Variants in SMOC2 observed in about 807,000 individuals in gnomAD.
The protein encoded by SMOC2 is SPARC related modular calcium binding 2.
A neutral mutation model predicts 61.4 loss-of-function variants in SMOC2; 39 were observed. The observed-to-expected ratio is 0.64, with a 90% CI of 0.49 to 0.83. The LOEUF (loss-of-function observed/expected upper bound fraction) is 0.83, where lower values mean the gene tolerates loss of function less well. Among genes scored for constraint, SMOC2 ranks in the 40% least tolerant of loss-of-function variants. The pLI is 0.00. For missense variants in SMOC2, 556 were observed against 592.9 expected (o/e 0.94, Z 0.65); for synonymous variants, 247 against 239.9 (o/e 1.03, Z -0.27).
At chr6:168,634,388 G>T (rs563470623) in intron 9 of SMOC2, among the ~76,000 whole-genome samples, 72 of 152,300 alleles carry the variant, frequency 4.7e-4, no homozygotes, top group African/African-American at 1.7e-3. Context: ...AGGGTTGGCT[G>T]TAATTAAAAT....
chr6:168,621,719 GATC>G (rs1786251195), intron 9 of SMOC2, among the ~76,000 whole-genome samples: 1 of 32,126 alleles, frequency 3.1e-5, no homozygotes, highest in African/African-American at 1.2e-4. Flanking sequence ...CAGATCTCAC[GATC>G]TCACGCGGAC....
At chr6:168,526,154 G>A (rs1211231024) in intron 2 of SMOC2, among the ~76,000 whole-genome samples, 192 bp from the exon 3 acceptor site, 1 of 152,262 alleles carries the variant, frequency 6.6e-6, no homozygotes, top group Non-Finnish European at 1.5e-5. Context: ...GACCAGGCCT[G>A]CATGTGACAG....
chr6:168,471,224 C>T (rs1207399148), intron 1 of SMOC2, among the ~76,000 whole-genome samples: 1 of 152,106 alleles, frequency 6.6e-6, no homozygotes, highest in Non-Finnish European at 1.5e-5. Context: ...TATCTCAGCC[C>T]AGCCCTAGTA....
At chr6:168,642,585 A>G (rs140025704) in intron 9 of SMOC2, among the ~76,000 whole-genome samples, 1 of 152,322 alleles carries the variant, frequency 6.6e-6, no homozygotes, top group East Asian at 1.9e-4. Context: ...TCTGTCTTGA[A>G]TCGTCCAAAA....
intron 9 of SMOC2, among the ~76,000 whole-genome samples, chr6:168,618,056 G>C (rs185404081): frequency 6.6e-6 from 1 of 152,220 alleles, no homozygotes; most frequent in Admixed American, 6.5e-5. Flanking sequence ...CCAAGAAAAC[G>C]GATCTGTCCT....
chr6:168,497,968 T>TG (rs1256719319), intron 1 of SMOC2, among the ~76,000 whole-genome samples: 2 of 152,150 alleles, frequency 1.3e-5, no homozygotes, highest in African/African-American at 4.8e-5. Context: ...CCTTTACCGC[T>TG]GGGCCATTTT....
At chr6:168,595,014 G>A (rs1583142213) in intron 7 of SMOC2, among the ~76,000 whole-genome samples, 2 of 109,606 alleles carry the variant, frequency 1.8e-5, no homozygotes, top group African/African-American at 3.4e-5. Context: ...GAGGATCGCC[G>A]AGCTCCTCCT....
At chr6:168,558,852 CGTGTGCGCATGT>C (rs1196792228) in intron 7 of SMOC2, among the ~76,000 whole-genome samples, 6 of 137,858 alleles carry the variant, frequency 4.4e-5, no homozygotes, top group African/African-American at 1.8e-4. Context: ...TGTATGTGCG[CGTGTGCGCATGT>C]GTGTGCATGT....
rs528624691 is a variant in SMOC2 at position 168,518,748 on chromosome 6, CAT to C, written c.257-7597_257-7596del. On this transcript the variant is annotated intron_variant, in intron 2 of 12. Transcript: ENST00000356284. ...GTGAGTGTGCATGTGTGTGAATGTG[CAT>C]GTGTGTGTGTTCATGTGCGTGTGTG... Among the ~76,000 whole-genome samples the C allele has an allele frequency of 7.1e-4, 104 of 146,068 alleles. No homozygotes were observed. In the East Asian group the frequency reaches 0.012, roughly 17 times the overall value.
chr6:168,661,933 A>G (rs2115291723), intron 11 of SMOC2, among the ~76,000 whole-genome samples: 1 of 152,370 alleles, frequency 6.6e-6, no homozygotes, highest in African/African-American at 2.4e-5. Context: ...AAAAAATCAT[A>G]GATTTAGCCA....
rs200161083 is a variant in SMOC2, at chr6:168,562,293, T to C, written c.637+13090T>C. Among the ~76,000 whole-genome samples, 21 of 55,116 alleles carry C rather than the reference T, an allele frequency of 3.8e-4. No individual in the cohort carries two copies. In the East Asian group the frequency reaches 4.9e-3, roughly 13 times the overall value. 36.2% of individuals were successfully genotyped at this position (55,116 alleles called of 152,430 possible). A position where few individuals can be genotyped will look rare whatever the true frequency, so the allele number is the denominator to read the frequency against. On this transcript the variant is annotated intron_variant, in intron 7 of 12. Transcript: ENST00000356284. ...AGACACAAGGCTCTCACTGCATTCTTGGAGGAGGTGTCATTTTCCTGCCCT... is the reference window on the plus strand; with the variant it reads ...AGACACAAGGCTCTCACTGCATTCTCGGAGGAGGTGTCATTTTCCTGCCCT...
intron 1 of SMOC2, among the ~76,000 whole-genome samples, chr6:168,495,342 C>G (rs1400875467): frequency 1.3e-5 from 2 of 152,258 alleles, no homozygotes; most frequent in Non-Finnish European, 2.9e-5. Context: ...CTTCCTCTCT[C>G]AGCCACTGGC....
At chr6:168,481,527 G>C (rs1476184827) in intron 1 of SMOC2, among the ~76,000 whole-genome samples, 1 of 151,894 alleles carries the variant, frequency 6.6e-6, no homozygotes, top group South Asian at 2.1e-4. Flanking sequence ...TATATGAAAG[G>C]AAGTGAGAAA....
intron 2 of SMOC2, among the ~76,000 whole-genome samples, chr6:168,519,024 CAT>C (rs765508194): frequency 0.31 from 36,868 of 119,290 alleles, 5,958 homozygotes; most frequent in Middle Eastern, 0.44. Context: ...TGCATGCGAA[CAT>C]GTGTGTGTAT....
chr6:168,511,300 C>T (rs1562562859), intron 2 of SMOC2, among the ~76,000 whole-genome samples: 1 of 152,148 alleles, frequency 6.6e-6, no homozygotes, highest in Non-Finnish European at 1.5e-5. Flanking sequence ...TAGTTCTGCA[C>T]AGCTGGGGAG....
intron 5 of SMOC2, among the ~76,000 whole-genome samples, chr6:168,545,650 G>T (rs1274675086): frequency 1.3e-5 from 2 of 152,112 alleles, no homozygotes; most frequent in Admixed American, 6.5e-5. Flanking sequence ...ACGGCCAGTG[G>T]GCCCATTACT....
chr6:168,535,832 G>A lies in SMOC2; in HGVS notation c.464-7793G>A, dbSNP rs1021649851. 2.0e-5 allele frequency among the ~76,000 whole-genome samples: 3 copies of A among 152,138 alleles called. No homozygotes were observed. The highest frequency in any genetic ancestry group is 7.2e-5 in the African/African-American group (3 of 41,418). ...GCAGTGACAGTGATCCTGGGGACAC[G>A]TGAGGAATAACGCAGCAGTGATGCA... On this transcript the variant is annotated intron_variant, in intron 4 of 12. Coordinates refer to ENST00000356284, the MANE Select transcript of SMOC2 (RefSeq NM_001166412.2). This position sits in a 1 kb window ranked among gnomAD's most constrained non-coding sequence, Gnocchi z 4.6.
intron 11 of SMOC2, among the ~76,000 whole-genome samples, chr6:168,657,329 A>C (rs1787349172): frequency 6.6e-6 from 1 of 152,244 alleles, no homozygotes; most frequent in Non-Finnish European, 1.5e-5. Flanking sequence ...CTTCCTCAGC[A>C]GTGCTGCATG....
chr6:168,590,840 C>T (rs987860877), intron 7 of SMOC2, among the ~76,000 whole-genome samples: 1 of 152,128 alleles, frequency 6.6e-6, no homozygotes, highest in African/African-American at 2.4e-5. Context: ...TTTGAACAAA[C>T]TGTCAGACAC....
Sources: allele counts gnomAD v4.1 joint callset (sites outside exome capture counted in the v4.1 genomes callset), GRCh38; gene constraint gnomAD v4.1.1; non-coding constraint Gnocchi (gnomAD v3.1); transcripts MANE v1.5; gene names NCBI Gene and HGNC (gene_info 2026-07-23, HGNC 2026-07-21).